GABPA: variants seen among roughly 807,000 people sequenced by gnomAD.
GABPA encodes GA binding protein transcription factor subunit alpha.
In GABPA, 4 loss-of-function variants were observed where a neutral mutation model predicts 59.4. That is an observed-to-expected ratio of 0.07 (90% CI 0.03 to 0.15). The LOEUF (loss-of-function observed/expected upper bound fraction) is 0.15. GABPA is among the 10% of genes least tolerant of loss of function. The pLI is 1.00. For missense variants in GABPA, 251 were observed against 543.8 expected (o/e 0.46, Z 5.36); for synonymous variants, 164 against 183.1 (o/e 0.90, Z 0.84).
chr21:25,741,448 T>C (rs1244890721), intron 1 of GABPA, 125 bp from the exon 2 acceptor site: 2 of 430,986 alleles, frequency 4.6e-6, no homozygotes, highest in Non-Finnish European at 4.2e-6. Context: ...TTCTTCTATA[T>C]GTAAAGACTA....
intron 9 of GABPA, among the ~76,000 whole-genome samples, chr21:25,767,660 T>C (rs985897212): frequency 6.6e-6 from 1 of 152,086 alleles, no homozygotes; most frequent in Non-Finnish European, 1.5e-5. Flanking sequence ...CATATTAATG[T>C]AGAAATTTTT....
chr21:25,764,071 A>G (rs1287989994), intron 7 of GABPA, 139 bp from the exon 8 acceptor site: 1 of 624,402 alleles, frequency 1.6e-6, no homozygotes, highest in Non-Finnish European at 2.6e-6. Flanking sequence ...GAAATTGTGG[A>G]TTGAGGCTTT....
intron 4 of GABPA, among the ~76,000 whole-genome samples, chr21:25,751,617 G>A (rs1446713881): frequency 2.0e-5 from 3 of 151,832 alleles, no homozygotes; most frequent in South Asian, 2.1e-4. Context: ...TCCAAGGATA[G>A]GTAGCTGCTC....
At chr21:25,765,457 A>G (rs1235898532) in intron 9 of GABPA, among the ~76,000 whole-genome samples, 3 of 151,978 alleles carry the variant, frequency 2.0e-5, no homozygotes, top group Non-Finnish European at 4.4e-5. Context: ...CTGAAAGATT[A>G]TAATTTAGCT....
rs921172817 is a variant in GABPA at position 25,771,478 on chromosome 21, A to G, written c.*2246A>G. On this transcript the variant is annotated 3_prime_UTR_variant, in exon 10 of 10. Transcript: ENST00000400075. ...CTTCTTACCATCATTTATGCATGAC[A>G]TAGGTAATGTGACTAATTTCTCCAG... 4.6e-5 allele frequency: 7 copies of G among 151,806 alleles called. No homozygotes were observed. The highest frequency in any genetic ancestry group is 2.0e-4 in the Admixed American group (3 of 15,254). 9.4% of individuals were successfully genotyped at this position (151,806 alleles called of 1,614,324 possible).
chr21:25,751,884 C>A, intron 4 of GABPA, 105 bp from the exon 5 acceptor site: 1 of 1,128,796 alleles, frequency 8.9e-7, no homozygotes, highest in Non-Finnish European at 1.3e-6. Context: ...TTGCTTTATT[C>A]GATGTAGTTT....
chr21:25,742,939 AAAAAAAAAGCCC>A (rs2035261878), intron 2 of GABPA, among the ~76,000 whole-genome samples: 1 of 152,096 alleles, frequency 6.6e-6, no homozygotes, highest in South Asian at 2.1e-4. Context: ...TCTCAAAAAA[AAAAAAAAAGCCC>A]AACATTTTTT....
chr21:25,771,472 C>T lies in GABPA; in HGVS notation c.*2240C>T, dbSNP rs2036008395. 6.6e-6 allele frequency: 1 copy of T among 151,790 alleles called. No homozygotes were observed. Among genetic ancestry groups the T allele is most frequent in the Middle Eastern group, 3.4e-3 (1 of 292 alleles). The allele number at this position is 151,790 out of a possible 1,614,324, so 9.4% of individuals were successfully genotyped here. ...TTTTTTCTTCTTACCATCATTTATG[C>T]ATGACATAGGTAATGTGACTAATTT... On this transcript the variant is annotated 3_prime_UTR_variant, in exon 10 of 10. Coordinates refer to ENST00000400075, the MANE Select transcript of GABPA (RefSeq NM_002040.4).
At chr21:25,767,632 T>C (rs994873363) in intron 9 of GABPA, among the ~76,000 whole-genome samples, 14 of 152,064 alleles carry the variant, frequency 9.2e-5, no homozygotes, top group African/African-American at 3.1e-4. Flanking sequence ...TTCCTTTTTT[T>C]CCCCACGTAT....
chr21:25,764,412 A>T (rs1888426), intron 8 of GABPA, 62 bp downstream of exon 8: 3 of 1,483,262 alleles, frequency 2.0e-6, no homozygotes, highest in Non-Finnish European at 2.7e-6. Context: ...ATTTTGTTGT[A>T]TTTTACTGTA....
At chr21:25,744,562 A>G (rs1421690468) in intron 2 of GABPA, among the ~76,000 whole-genome samples, 4 of 152,182 alleles carry the variant, frequency 2.6e-5, no homozygotes, top group Admixed American at 1.3e-4. Flanking sequence ...GTATTTGTCT[A>G]TTTGGCCCTA....
chr21:25,745,727 A>C (rs1415438272), intron 3 of GABPA, among the ~76,000 whole-genome samples: 1 of 152,150 alleles, frequency 6.6e-6, no homozygotes. Context: ...CATTTAACTA[A>C]ATGATTTCTA....
chr21:25,739,621 A>G (rs2035168110), intron 1 of GABPA, among the ~76,000 whole-genome samples: 1 of 151,804 alleles, frequency 6.6e-6, no homozygotes, highest in South Asian at 2.1e-4. Flanking sequence ...TTCTACTTTT[A>G]TTTATTTGTT....
At chr21:25,755,962 C>T (rs1200729422) in intron 5 of GABPA, among the ~76,000 whole-genome samples, 4 of 152,304 alleles carry the variant, frequency 2.6e-5, no homozygotes, top group Middle Eastern at 3.4e-3. Context: ...TATGCCAAAT[C>T]GATTACCACT....
Position 25,764,231 on chromosome 21 carries a change from C to T in GABPA, c.824C>T (p.Ser275Leu), listed in dbSNP as rs1472406500. The change falls in exon 8 of 10, where the codon TCA becomes TTA. Residue 275 changes from serine to leucine, a missense_variant. Around this residue, in one of 4 missense-constraint regions of GABPA, gnomAD observed 207 missense variants for 366.7 expected, o/e 0.56. Coordinates refer to ENST00000400075, the MANE Select transcript of GABPA (RefSeq NM_002040.4). ...GCAGCTGTGCAAATTATTCCAGCAT[C>T]AGTGCAATCTGCTACACCTACTACC... ...IDQPVQIIPA[S>L]VQSATPTTIK... 2 of 1,601,270 alleles carry T rather than the reference C, an allele frequency of 1.2e-6. No homozygotes were observed. Among genetic ancestry groups the T allele is most frequent in the Non-Finnish European group, 1.7e-6 (2 of 1,175,688 alleles).
chr21:25,749,071 A>T lies in GABPA; in HGVS notation c.258A>T (p.Val86=), dbSNP rs2035441542. The T allele has an allele frequency of 1.2e-6, 2 of 1,609,368 alleles. No homozygotes were observed. Among genetic ancestry groups the T allele is most frequent in the Non-Finnish European group, 1.7e-6 (2 of 1,176,014 alleles). The part of the protein sequence containing the change: ...DPERSLFDQG[V]KTDGTVQLSV... ...AACGAAGTTTATTTGACCAAGGAGT[A>T]AAAACAGATGGAACTGTACAGCTTA... The change falls in exon 4 of 10, where the codon GTA becomes GTT. Residue 86 remains valine, a synonymous_variant. Transcript: ENST00000400075.
At chr21:25,750,964 T>C (rs1262907534) in intron 4 of GABPA, among the ~76,000 whole-genome samples, 1 of 152,196 alleles carries the variant, frequency 6.6e-6, no homozygotes. Flanking sequence ...AGTAGTTTCT[T>C]GCAATACTGG....
At chr21:25,739,889 A>G (rs1037979145) in intron 1 of GABPA, among the ~76,000 whole-genome samples, 1 of 152,174 alleles carries the variant, frequency 6.6e-6, no homozygotes, top group South Asian at 2.1e-4. Context: ...GAGTATTAGG[A>G]TTACAGGCAT....
chr21:25,737,551 T>A (rs1427924359), intron 1 of GABPA, among the ~76,000 whole-genome samples: 1 of 152,226 alleles, frequency 6.6e-6, no homozygotes, highest in African/African-American at 2.4e-5. Context: ...GATTGGTCTA[T>A]AAATTTTTTG....
Sources: gnomAD v4.1 joint callset for allele counts (sites outside exome capture counted in the v4.1 genomes callset) on GRCh38, gnomAD v4.1.1 for gene constraint, gnomAD v4.1.1 regional missense constraint, MANE v1.5 for transcripts, NCBI Gene and HGNC (gene_info 2026-07-23, HGNC 2026-07-21) for gene names.